LTBP1: variants seen among roughly 807,000 people sequenced by gnomAD.
LTBP1 encodes the protein latent-transforming growth factor beta-binding protein 1.
A neutral mutation model predicts 207.6 loss-of-function variants in LTBP1; 129 were observed. That is an observed-to-expected ratio of 0.62 (90% CI 0.54 to 0.72). The LOEUF (loss-of-function observed/expected upper bound fraction) is 0.72. Ranked by LOEUF, LTBP1 falls within the 30% of genes least tolerant of loss-of-function variation. The probability of loss-of-function intolerance (pLI) is 0.00; values close to 1 mark genes in which losing one functional copy is unlikely to be tolerated. For missense variants in LTBP1, 2,281 were observed against 2,217.2 expected (o/e 1.03, Z -0.58); for synonymous variants, 963 against 833.7 (o/e 1.16, Z -2.67).
intron 9 of LTBP1, among the ~76,000 whole-genome samples, chr2:33,230,950 C>T (rs1267479331): frequency 1.3e-5 from 2 of 152,174 alleles, no homozygotes; most frequent in African/African-American, 4.8e-5. Flanking sequence ...TAAAAGACAT[C>T]TACACTTTTA....
chr2:33,341,441 G>C (rs1321336990), intron 24 of LTBP1, among the ~76,000 whole-genome samples: 1 of 151,972 alleles, frequency 6.6e-6, no homozygotes, highest in East Asian at 1.9e-4. Flanking sequence ...GCCAGGTGCG[G>C]TGGCTCAAGC....
intron 24 of LTBP1, among the ~76,000 whole-genome samples, chr2:33,331,185 G>C (rs902850403): frequency 6.6e-5 from 10 of 150,970 alleles, no homozygotes; most frequent in South Asian, 6.3e-4. Context: ...CAACTTATGT[G>C]GATTTGTTTC....
intron 2 of LTBP1, among the ~76,000 whole-genome samples, chr2:32,985,550 C>T (rs1683425104): frequency 6.6e-6 from 1 of 152,124 alleles, no homozygotes; most frequent in African/African-American, 2.4e-5. Context: ...GACAATGAGC[C>T]CTCTGACCTG....
chr2:33,069,465 C>G (rs1181472487), intron 3 of LTBP1, among the ~76,000 whole-genome samples: 2 of 152,230 alleles, frequency 1.3e-5, no homozygotes, highest in East Asian at 1.9e-4. Flanking sequence ...GGGCAACAAG[C>G]AAGTCTGAGC....
intron 8 of LTBP1, among the ~76,000 whole-genome samples, chr2:33,221,506 G>T (rs1324976686): frequency 1.3e-5 from 2 of 152,150 alleles, no homozygotes; most frequent in East Asian, 3.8e-4. Context: ...TCTGAGTGTA[G>T]CCCTTTTAAT....
chr2:33,075,158 A>G lies in LTBP1; in HGVS notation c.864-35424A>G, dbSNP rs74261869. On this transcript the variant is annotated intron_variant, in intron 3 of 33. Coordinates refer to ENST00000404816, the MANE Select transcript of LTBP1 (RefSeq NM_206943.4). ...GGCTGGAGAGAGCCAACTGCTGAGC[A>G]TCTCTAAAACCTTTCTTAGACACCT... is the stretch of plus-strand genomic sequence containing the variant. Among the ~76,000 whole-genome samples the G allele has an allele frequency of 6.5e-4, 99 of 152,378 alleles. 1 individual carries two copies. In the East Asian group the frequency reaches 0.018, roughly 27 times the overall value.
At chr2:33,219,988 G>T (rs2090996418) in intron 8 of LTBP1, among the ~76,000 whole-genome samples, 1 of 152,018 alleles carries the variant, frequency 6.6e-6, no homozygotes, top group African/African-American at 2.4e-5. Flanking sequence ...TCTTGATAAG[G>T]ACTTAGTTGA....
chr2:33,288,000 C>T (rs1037512135), intron 19 of LTBP1, among the ~76,000 whole-genome samples: 1 of 152,134 alleles, frequency 6.6e-6, no homozygotes, highest in Admixed American at 6.5e-5. Flanking sequence ...GGAGTAATGA[C>T]ACATTTGGGG....
At chr2:33,048,498 A>G (rs147418047) in intron 3 of LTBP1, among the ~76,000 whole-genome samples, 2,086 of 152,352 alleles carry the variant, frequency 0.014, 141 homozygotes, top group Admixed American at 0.12. Flanking sequence ...AAGTACTCAC[A>G]CTCAGAGGAG....
intron 2 of LTBP1, among the ~76,000 whole-genome samples, chr2:32,965,161 A>G (rs899083423): frequency 6.6e-6 from 1 of 152,222 alleles, no homozygotes; most frequent in African/African-American, 2.4e-5. Flanking sequence ...CAAAGTGGAC[A>G]GTGGAGTTAT....
rs374317751 is a variant in LTBP1 at position 33,190,358 on chromosome 2, G to A, written c.1701+1507G>A. On this transcript the variant is annotated intron_variant, in intron 7 of 33. Coordinates refer to ENST00000404816, the MANE Select transcript of LTBP1 (RefSeq NM_206943.4). ...ATATATCGTGTGTGTGTGTATATGC[G>A]CATGAAATACTTGGGAGTAATAGAA... is the stretch of plus-strand genomic sequence containing the variant. Among the ~76,000 whole-genome samples the A allele has an allele frequency of 1.4e-4, 22 of 152,246 alleles. No homozygotes were observed. The East Asian group carries it at 2.5e-3, about 17-fold the overall frequency.
At chr2:33,273,975 A>G (rs1251397780) in intron 16 of LTBP1, among the ~76,000 whole-genome samples, 194 bp downstream of exon 16, 2 of 152,224 alleles carry the variant, frequency 1.3e-5, no homozygotes, top group East Asian at 1.9e-4. Context: ...TTTGTTCAAC[A>G]TTTGTTTACC....
chr2:33,230,763 G>A (rs1302579158), intron 9 of LTBP1, among the ~76,000 whole-genome samples: 1 of 152,118 alleles, frequency 6.6e-6, no homozygotes, highest in Non-Finnish European at 1.5e-5. Context: ...GGTTCTGAAA[G>A]TACTTGGGGA....
chr2:33,017,540 C>T (rs901241883), intron 2 of LTBP1, among the ~76,000 whole-genome samples: 17 of 152,204 alleles, frequency 1.1e-4, no homozygotes, highest in African/African-American at 3.6e-4. Flanking sequence ...CATGTAAGAA[C>T]TGCTACTGCA....
intron 7 of LTBP1, among the ~76,000 whole-genome samples, chr2:33,216,749 A>G (rs1244658183): frequency 3.3e-5 from 5 of 152,194 alleles, no homozygotes; most frequent in African/African-American, 1.2e-4. Flanking sequence ...ATGGGTCCAC[A>G]GAGCAGGATC....
chr2:33,084,139 AC>A (rs1465966558), intron 3 of LTBP1, among the ~76,000 whole-genome samples: 4 of 152,212 alleles, frequency 2.6e-5, no homozygotes, highest in African/African-American at 9.7e-5. Flanking sequence ...AAAATAGCAG[AC>A]AAAGAAGGCT....
intron 7 of LTBP1, among the ~76,000 whole-genome samples, chr2:33,208,414 G>A (rs1183686809): frequency 6.6e-6 from 1 of 152,136 alleles, no homozygotes; most frequent in Non-Finnish European, 1.5e-5. Context: ...TTTAAGAGCT[G>A]TAACTCTTCT....
Position 33,067,130 on chromosome 2 carries a change from C to T in LTBP1, c.864-43452C>T, listed in dbSNP as rs138384906. On this transcript the variant is annotated intron_variant, in intron 3 of 33. Transcript: ENST00000404816. ...CAGGCTGCAGTGAGCTGTGATCATG[C>T]CACTGCCCTCCACCCTGGGCTACAG... Among the ~76,000 whole-genome samples the T allele has an allele frequency of 3.5e-3, 526 of 152,336 alleles. 3 individuals carry two copies. Among genetic ancestry groups the T allele is most frequent in the African/African-American group, 0.012 (478 of 41,562 alleles).
chr2:32,959,613 A>T (rs1191187557), intron 2 of LTBP1, among the ~76,000 whole-genome samples: 142 of 36,704 alleles, frequency 3.9e-3, no homozygotes, highest in Non-Finnish European at 5.5e-3. Context: ...ATATATATAT[A>T]TATATATATT....
Sources: gnomAD v4.1 joint callset for allele counts (sites outside exome capture counted in the v4.1 genomes callset) on GRCh38, gnomAD v4.1.1 for gene constraint, MANE v1.5 for transcripts, NCBI Gene and HGNC (gene_info 2026-07-23, HGNC 2026-07-21) for gene names.